Variants in PPL observed in about 807,000 individuals in gnomAD.
PPL encodes the protein periplakin.
Under a neutral mutation model 194.4 loss-of-function variants are expected in PPL, and 198 were observed. That is an observed-to-expected ratio of 1.02 (90% CI 0.91 to 1.15). The LOEUF (loss-of-function observed/expected upper bound fraction) is 1.15, where lower values mean the gene tolerates loss of function less well. PPL is among the 50% of genes most tolerant of loss of function. The pLI is 0.00. For missense variants in PPL, 2,885 were observed against 2,294.8 expected, an observed-to-expected ratio of 1.26 and a Z score of -5.25; for synonymous variants, 1,220 against 972.4, an observed-to-expected ratio of 1.25 and a Z score of -4.74.
intron 6 of PPL, among the ~76,000 whole-genome samples, chr16:4,900,383 A>G (rs974096293): frequency 3.2e-5 from 4 of 126,598 alleles, no homozygotes; most frequent in Admixed American, 1.8e-4. Flanking sequence ...AGGCTGGGGC[A>G]CCTCTCTTCC....
rs775728895 is a variant in PPL, at chr16:4,899,169, C to A, written c.769-49G>T. Reference sequence around the variant, plus strand: ...GCCTCAGTGCCCAGCCTGGCGGTCCCGTGCTCCTTCCAGGGCTGCCTCCTC... The same window carrying A: ...GCCTCAGTGCCCAGCCTGGCGGTCCAGTGCTCCTTCCAGGGCTGCCTCCTC... On this transcript the variant is annotated intron_variant, in intron 7 of 21. Coordinates refer to ENST00000345988, the MANE Select transcript of PPL (RefSeq NM_002705.5). The A allele has an allele frequency of 2.4e-5, 38 of 1,613,514 alleles. No individual in the cohort carries two copies. In the South Asian group the frequency reaches 4.1e-4, roughly 17 times the overall value.
chr16:4,935,341 C>A (rs1292448904), intron 1 of PPL, among the ~76,000 whole-genome samples: 1 of 152,128 alleles, frequency 6.6e-6, no homozygotes, highest in Non-Finnish European at 1.5e-5. Flanking sequence ...CGAGGCCTGG[C>A]CCCACCACTG....
chr16:4,901,105 G>C lies in PPL; in HGVS notation c.439-16C>G. The C allele has an allele frequency of 6.2e-7, 1 of 1,613,748 alleles. No homozygotes were observed. The highest frequency in any genetic ancestry group is 8.5e-7 in the Non-Finnish European group (1 of 1,179,822). ...TCAGCTTGTCCTGGCCAGGAGGGCAGAGAAGCAATAAGGAGAGGGTGGGCT... is the reference window on the plus strand; with the variant it reads ...TCAGCTTGTCCTGGCCAGGAGGGCACAGAAGCAATAAGGAGAGGGTGGGCT... On this transcript the variant is annotated splice_polypyrimidine_tract_variant and intron_variant, in intron 4 of 21. Coordinates refer to ENST00000345988, the MANE Select transcript of PPL (RefSeq NM_002705.5).
At chr16:4,910,742 G>A in intron 2 of PPL, 108 bp downstream of exon 2, 1 of 983,840 alleles carries the variant, frequency 1.0e-6, no homozygotes, top group Middle Eastern at 2.1e-4. Context: ...GTTCCCTCGG[G>A]GCCACAATCA....
At chr16:4,889,800 G>A (rs749897285) in intron 18 of PPL, among the ~76,000 whole-genome samples, 3 of 152,164 alleles carry the variant, frequency 2.0e-5, no homozygotes, top group Non-Finnish European at 4.4e-5. Context: ...TCAGCCATTG[G>A]CTTCCCGTGT....
intron 1 of PPL, among the ~76,000 whole-genome samples, chr16:4,916,581 C>T (rs1248774491): frequency 2.0e-5 from 3 of 152,150 alleles, no homozygotes; most frequent in African/African-American, 7.2e-5. Context: ...TCTTAGCTCA[C>T]TGCAGCCTTG....
At chr16:4,901,452 G>A (rs921624030) in intron 4 of PPL, among the ~76,000 whole-genome samples, 2 of 152,188 alleles carry the variant, frequency 1.3e-5, no homozygotes, top group Admixed American at 1.3e-4. Context: ...ACTTTGGGAG[G>A]CCAATGGGGT....
rs1383875533 is a variant in PPL, at chr16:4,921,554, C to A, written c.63-10605G>T. Among the ~76,000 whole-genome samples, 4 of 152,136 alleles carry A rather than the reference C, an allele frequency of 2.6e-5. No homozygotes were observed. The South Asian group carries it at 8.3e-4, about 32-fold the overall frequency. ...TGATCTTGGCTCACTGCAACCTCTG[C>A]CTCCTGGGTTCAAGCAATTCTCGTG... On this transcript the variant is annotated intron_variant, in intron 1 of 21. Transcript: ENST00000345988.
intron 2 of PPL, among the ~76,000 whole-genome samples, chr16:4,904,684 G>A (rs1610234): frequency 0.12 from 18,316 of 152,142 alleles, 1,334 homozygotes; most frequent in East Asian, 0.25. Context: ...CAGGGCAGGC[G>A]GGGGGCGGGG....
chr16:4,888,627 C>T, intron 19 of PPL: 1 of 337,030 alleles, frequency 3.0e-6, no homozygotes. Flanking sequence ...ACGCAGCTTT[C>T]CCCTTCCACT....
chr16:4,927,324 G>T (rs567974054), intron 1 of PPL, among the ~76,000 whole-genome samples: 1 of 152,284 alleles, frequency 6.6e-6, no homozygotes, highest in African/African-American at 2.4e-5. Context: ...AAGAGGGAGC[G>T]AGGCAATCCA....
Position 4,892,183 on chromosome 16 carries a change from GT to G in PPL, c.1680del (p.Glu560AspfsTer27). The G allele has an allele frequency of 6.2e-7, 1 of 1,613,598 alleles. No individual in the cohort carries two copies. The highest frequency in any genetic ancestry group is 1.7e-5 in the Admixed American group (1 of 60,026). ...TCAGCCGTGCTCCGCGTCTTCTCAG[GT>G]TCAATCCGCAGTAGCTCGTTGGTGA... ...KNITNELLRI[E>X]PEKTRSTAEG... On this transcript the variant is annotated frameshift_variant, in exon 15 of 22. Coordinates refer to ENST00000345988, the MANE Select transcript of PPL (RefSeq NM_002705.5). LOFTEE classifies it high-confidence loss of function.
At chr16:4,893,485 C>CT (rs1366022154) in intron 13 of PPL, 56 bp downstream of exon 13, 27 of 1,600,810 alleles carry the variant, frequency 1.7e-5, no homozygotes, top group Admixed American at 3.4e-5. Flanking sequence ...AGACCCTGGT[C>CT]CAGCCCCTCC....
chr16:4,889,235 GTTGTTGTTTTTTTTT>G (rs2088271608), intron 18 of PPL, among the ~76,000 whole-genome samples, 174 bp from the exon 19 acceptor site: 1 of 18,710 alleles, frequency 5.3e-5, no homozygotes, highest in African/African-American at 1.4e-4. Context: ...TTTTTTTGTT[GTTGTTGTTTTTTTTT>G]TTTTTTTTTT....
intron 6 of PPL, 91 bp from the exon 7 acceptor site, chr16:4,899,475 C>CCTGAGGACAAGCCCAGCTATGGG (rs2088507242): frequency 1.9e-4 from 133 of 709,208 alleles, no homozygotes; most frequent in African/African-American, 1.8e-3. Flanking sequence ...CCAGCTATGG[C>CCTGAGGACAAGCCCAGCTATGGG]TGGCCTGAGG....
intron 1 of PPL, among the ~76,000 whole-genome samples, chr16:4,928,913 A>T (rs986759470): frequency 5.5e-5 from 8 of 145,012 alleles, no homozygotes; most frequent in African/African-American, 2.0e-4. Context: ...TGGGAGGCTG[A>T]GGCAGGAGAA....
intron 11 of PPL, 42 bp downstream of exon 11, chr16:4,895,219 A>C (rs751775221): frequency 7.1e-6 from 11 of 1,540,686 alleles, no homozygotes; most frequent in Non-Finnish European, 9.6e-6. Flanking sequence ...GTTACCCCAA[A>C]AACTTTGTAG....
Position 4,883,818 on chromosome 16 carries a change from A to G in PPL, c.4837T>C (p.Trp1613Arg), listed in dbSNP as rs1409416901. Residue 1613 changes from tryptophan to arginine, a missense_variant, in exon 22 of 22, where the codon TGG becomes CGG. Coordinates refer to ENST00000345988, the MANE Select transcript of PPL (RefSeq NM_002705.5). The surrounding 1 kb of genome is among the most constrained non-coding windows in gnomAD (Gnocchi z 4.8). ...DSGTNHDSRL[W>R]SLERELDDLK... ...TCATCCAGTTCCCTCTCCAGGGACC[A>G]CAGTCTGGAGTCATGGTTGGTCCCA... 2.5e-6 allele frequency: 4 copies of G among 1,614,008 alleles called. No homozygotes were observed. In the East Asian group the frequency reaches 6.7e-5, roughly 27 times the overall value.
Position 4,884,351 on chromosome 16 carries a change from G to T in PPL, c.4304C>A (p.Ala1435Asp). Residue 1435 changes from alanine to aspartate, a missense_variant, in exon 22 of 22, where the codon GCT becomes GAT. Coordinates refer to ENST00000345988, the MANE Select transcript of PPL (RefSeq NM_002705.5). The surrounding 1 kb of genome is among the most constrained non-coding windows in gnomAD (Gnocchi z 5.7). ...ATGGGTTACCTTCTCACGGGCCTCA[G>T]CTTCTTCCTGCTCCAGCGCTGCCAG... ...QRLAALEQEEAEAREKVTHTQ... is the reference protein window; with the variant it reads ...QRLAALEQEEDEAREKVTHTQ... 1.9e-6 allele frequency: 3 copies of T among 1,612,432 alleles called. No individual in the cohort carries two copies. The highest frequency in any genetic ancestry group is 2.5e-6 in the Non-Finnish European group (3 of 1,179,688).
Sources: gnomAD v4.1 joint callset for allele counts (sites outside exome capture counted in the v4.1 genomes callset) on GRCh38, gnomAD v4.1.1 for gene constraint, Gnocchi (gnomAD v3.1) non-coding constraint, MANE v1.5 for transcripts, NCBI Gene and HGNC (gene_info 2026-07-23, HGNC 2026-07-21) for gene names.